Variants in PCDH15 observed in about 807,000 individuals in gnomAD.
PCDH15 encodes the protein protocadherin related 15, also known as protocadherin-15.
In PCDH15, 129 loss-of-function variants were observed where a neutral mutation model predicts 178.5. The observed-to-expected ratio is 0.72, with a 90% CI of 0.63 to 0.84. The LOEUF is 0.84. Ranked by LOEUF, PCDH15 falls within the 40% of genes least tolerant of loss-of-function variation. The probability of loss-of-function intolerance (pLI) is 0.00; values close to 1 mark genes in which losing one functional copy is unlikely to be tolerated. For missense variants in PCDH15, 2,230 were observed against 2,099.9 expected, an observed-to-expected ratio of 1.06 and a Z score of -1.21; for synonymous variants, 800 against 732.0, an observed-to-expected ratio of 1.09 and a Z score of -1.50.
At chr10:53,915,946 T>C (rs764844143) in intron 25 of PCDH15, among the ~76,000 whole-genome samples, 1 of 152,200 alleles carries the variant, frequency 6.6e-6, no homozygotes, top group Non-Finnish European at 1.5e-5. Context: ...CCTCAGTATC[T>C]GTGGGGGATT....
At chr10:54,974,408 T>C (rs1219531) in intron 2 of PCDH15, among the ~76,000 whole-genome samples, 107,907 of 151,486 alleles carry the variant, frequency 0.71, 38,581 homozygotes, top group East Asian at 0.89. Flanking sequence ...GCTCTATTTA[T>C]GTTGATACTT....
intron 2 of PCDH15, among the ~76,000 whole-genome samples, chr10:55,451,319 A>G (rs1335185650): frequency 6.6e-6 from 1 of 152,022 alleles, no homozygotes; most frequent in Non-Finnish European, 1.5e-5. Context: ...TAACACAGTG[A>G]AACCCCATCT....
intron 2 of PCDH15, among the ~76,000 whole-genome samples, chr10:54,914,824 A>T (rs1285963964): frequency 1.3e-5 from 2 of 152,190 alleles, no homozygotes; most frequent in Non-Finnish European, 2.9e-5. Context: ...GGCTACAAAG[A>T]TTTGCTTGAC....
At chr10:54,071,070 A>C (rs1003219394) in intron 17 of PCDH15, among the ~76,000 whole-genome samples, 1 of 152,174 alleles carries the variant, frequency 6.6e-6, no homozygotes, top group African/African-American at 2.4e-5. Flanking sequence ...TTCCTATCTC[A>C]GGAAATGACA....
intron 2 of PCDH15, among the ~76,000 whole-genome samples, chr10:55,421,325 T>C (rs1838616062): frequency 6.6e-6 from 1 of 151,054 alleles, no homozygotes; most frequent in Non-Finnish European, 1.5e-5. Context: ...TTAAATGAGA[T>C]AACCTGAAAT....
chr10:54,597,684 A>G (rs997897384), intron 2 of PCDH15, among the ~76,000 whole-genome samples: 13 of 152,102 alleles, frequency 8.5e-5, no homozygotes, highest in African/African-American at 2.7e-4. Context: ...CAAAAGATCA[A>G]CGAAGCCAGG....
chr10:55,620,166 G>T (rs1843562274), intron 2 of PCDH15, among the ~76,000 whole-genome samples: 1 of 152,004 alleles, frequency 6.6e-6, no homozygotes, highest in Admixed American at 6.6e-5. Flanking sequence ...CTTAATACAT[G>T]CCAAATGTCA....
Position 54,183,472 on chromosome 10 carries a change from T to C in PCDH15, c.1562A>G (p.Asp521Gly). 1 of 1,613,588 alleles carries C rather than the reference T, an allele frequency of 6.2e-7. No homozygotes were observed. Among genetic ancestry groups the C allele is most frequent in the Non-Finnish European group, 8.5e-7 (1 of 1,179,526 alleles). The change falls in exon 13 of 38, where the codon GAC (aspartate) becomes GGC (glycine). Residue 521 changes from aspartate (D) to glycine (G), a missense_variant. Coordinates refer to ENST00000644397, the MANE Select transcript of PCDH15 (RefSeq NM_001384140.1). Reference sequence around the variant, plus strand: ...TATGACACTGTCCCCAGGTCTCATGTCTGTATAAACATACACATCATAGGA... The same window carrying C: ...TATGACACTGTCCCCAGGTCTCATGCCTGTATAAACATACACATCATAGGA... ...EISYDVYVYT[D>G]MRPGDSVIQL...
chr10:54,526,929 A>G lies in PCDH15; in HGVS notation c.157+883T>C, dbSNP rs143934119. Among the ~76,000 whole-genome samples, 14 of 152,024 alleles carry G rather than the reference A, an allele frequency of 9.2e-5. No homozygotes were observed. The East Asian group carries it at 2.5e-3, about 27-fold the overall frequency. ...GCGTGTAGATTGAGTTACAAGAAAA[A>G]GGTCACTTTCTAATAAGGCAACTGA... On this transcript the variant is annotated intron_variant, in intron 3 of 37. Coordinates refer to ENST00000644397, the MANE Select transcript of PCDH15 (RefSeq NM_001384140.1).
At chr10:55,157,659 C>T (rs1838927174) in intron 2 of PCDH15, among the ~76,000 whole-genome samples, 1 of 151,808 alleles carries the variant, frequency 6.6e-6, no homozygotes. Flanking sequence ...TTTGTAGGGA[C>T]ATGGATGAAG....
chr10:54,176,434 T>C (rs1032557161), intron 13 of PCDH15, among the ~76,000 whole-genome samples: 32 of 152,180 alleles, frequency 2.1e-4, no homozygotes, highest in African/African-American at 6.0e-4. Context: ...ATTTTCTTTT[T>C]TAAAGATACA....
At chr10:54,252,884 C>T (rs1003084194) in intron 8 of PCDH15, among the ~76,000 whole-genome samples, 12 of 151,564 alleles carry the variant, frequency 7.9e-5, no homozygotes, top group Non-Finnish European at 5.9e-5. Flanking sequence ...GTATAAATTT[C>T]TTTCTGATCT....
At chr10:55,315,709 A>G (rs936335705) in intron 1 of PCDH15, among the ~76,000 whole-genome samples, 6 of 152,162 alleles carry the variant, frequency 3.9e-5, no homozygotes, top group African/African-American at 1.4e-4. Context: ...GAAGTCTGCA[A>G]ACTTTCTATA....
intron 26 of PCDH15, among the ~76,000 whole-genome samples, chr10:53,882,432 C>G (rs2080792305): frequency 6.6e-6 from 1 of 152,190 alleles, no homozygotes; most frequent in African/African-American, 2.4e-5. Context: ...GACTTCGTCG[C>G]CCCCACTACC....
chr10:55,080,448 T>C (rs1842010232), intron 2 of PCDH15, among the ~76,000 whole-genome samples: 1 of 152,096 alleles, frequency 6.6e-6, no homozygotes, highest in African/African-American at 2.4e-5. Context: ...AAGAAACAAG[T>C]ACCTGGTTCC....
chr10:53,889,794 G>T (rs932529335), intron 26 of PCDH15, among the ~76,000 whole-genome samples: 1 of 152,004 alleles, frequency 6.6e-6, no homozygotes, highest in Non-Finnish European at 1.5e-5. Context: ...ATTCTCTAGA[G>T]CAATGAAAAT....
chr10:54,722,610 G>C (rs1941822387), intron 1 of PCDH15, among the ~76,000 whole-genome samples: 1 of 150,086 alleles, frequency 6.7e-6, no homozygotes, highest in Non-Finnish European at 1.5e-5. Context: ...AATTATCTCT[G>C]TTAAATGATG....
At chr10:54,338,422 T>C (rs1275982298) in intron 6 of PCDH15, among the ~76,000 whole-genome samples, 1 of 152,108 alleles carries the variant, frequency 6.6e-6, no homozygotes, top group Non-Finnish European at 1.5e-5. Context: ...TTGACATATA[T>C]ACACACACAC....
In PCDH15 at chr10:53,807,006, A is replaced by T. The variant is rs962278106; in HGVS notation, c.4796T>A (p.Ile1599Asn). The T allele has an allele frequency of 3.1e-6, 5 of 1,613,718 alleles. No individual in the cohort carries two copies. Among genetic ancestry groups the T allele is most frequent in the Middle Eastern group, 1.6e-4 (1 of 6,062 alleles). The change falls in exon 38 of 38, where the codon ATC becomes AAC. Residue 1599 changes from isoleucine to asparagine, a missense_variant. By Grantham distance (149) the Ile-to-Asn change is moderately radical (BLOSUM62 -3). Transcript: ENST00000644397. ...CTGTGCAATATATATATTGCCGTTG[A>T]TATTACTGTGGATACTAGGATGGTG... Reference protein sequence around the residue: ...RLHHPSIHSNINGNIYIAQNG... With the variant: ...RLHHPSIHSNNNGNIYIAQNG...
Sources: allele counts gnomAD v4.1 joint callset (sites outside exome capture counted in the v4.1 genomes callset), GRCh38; gene constraint gnomAD v4.1.1; transcripts MANE v1.5; gene names NCBI Gene and HGNC (gene_info 2026-07-23, HGNC 2026-07-21).